The following SORL1 variants were observed in gnomAD, a reference collection of about 807,000 sequenced individuals.
SORL1 encodes sortilin-related receptor.
SORL1 carries 127 observed loss-of-function variants against 273.7 expected under a neutral mutation model. The observed-to-expected ratio is 0.46, with a 90% CI of 0.40 to 0.54. SORL1 has a LOEUF of 0.54. Ranked by LOEUF, SORL1 falls within the 20% of genes least tolerant of loss-of-function variation. The probability of loss-of-function intolerance (pLI) is 0.00; values close to 1 mark genes in which losing one functional copy is unlikely to be tolerated. For synonymous variants in SORL1, 1,031 were observed against 1,067.4 expected (o/e 0.97, Z 0.66); for missense variants, 2,494 against 2,846.1 (o/e 0.88, Z 2.81).
At chr11:121,615,657 G>A (rs370446977) in intron 41 of SORL1, among the ~76,000 whole-genome samples, 26 of 152,212 alleles carry the variant, frequency 1.7e-4, no homozygotes, top group South Asian at 1.0e-3. Context: ...AGTGATGAGC[G>A]GAGGAACTAG....
chr11:121,460,942 A>G (rs1393591723), intron 1 of SORL1, among the ~76,000 whole-genome samples: 1 of 152,136 alleles, frequency 6.6e-6, no homozygotes, highest in East Asian at 1.9e-4. Context: ...TCTCTGCCCC[A>G]GGGACCTGGG....
At chr11:121,517,651 C>T (rs1056725244) in intron 8 of SORL1, among the ~76,000 whole-genome samples, 3 of 152,162 alleles carry the variant, frequency 2.0e-5, no homozygotes, top group Non-Finnish European at 2.9e-5. Context: ...GAAGCCAGAG[C>T]GATGGCCCTT....
chr11:121,532,599 A>G (rs1484162807), intron 12 of SORL1, 47 bp downstream of exon 12: 1 of 1,470,648 alleles, frequency 6.8e-7, no homozygotes, highest in Admixed American at 1.7e-5. Context: ...TTCTCCCAGA[A>G]ATTTACGTCT....
chr11:121,558,443 C>T, intron 19 of SORL1, 148 bp from the exon 20 acceptor site: 1 of 756,694 alleles, frequency 1.3e-6, no homozygotes, highest in Non-Finnish European at 2.2e-6. Flanking sequence ...TAAGTAGTTT[C>T]AGGTGTTGTC....
intron 2 of SORL1, among the ~76,000 whole-genome samples, chr11:121,477,495 A>G (rs1373280816): frequency 6.6e-6 from 1 of 152,140 alleles, no homozygotes. Context: ...CCCGGTGAGG[A>G]GGTTATTACT....
chr11:121,523,002 C>G lies in SORL1; in HGVS notation c.1596+13C>G. On this transcript the variant is annotated intron_variant, in intron 11 of 47. Coordinates refer to ENST00000260197, the MANE Select transcript of SORL1 (RefSeq NM_003105.6). ...CAGGTGGCGAGAGGTCAGCCCCCTCCCCCAATCCCGTCCCCTCCACCCTCA... is the reference window on the plus strand; with the variant it reads ...CAGGTGGCGAGAGGTCAGCCCCCTCGCCCAATCCCGTCCCCTCCACCCTCA... The G allele has an allele frequency of 6.3e-7, 1 of 1,575,116 alleles. No homozygotes were observed. Among genetic ancestry groups the G allele is most frequent in the Non-Finnish European group, 8.7e-7 (1 of 1,144,700 alleles).
At chr11:121,478,331 C>T (rs924009668) in intron 3 of SORL1, 88 bp downstream of exon 3, 68 of 1,422,428 alleles carry the variant, frequency 4.8e-5, no homozygotes, top group Non-Finnish European at 4.6e-5. Flanking sequence ...TAGGAGATGG[C>T]GCTCTCTGTG....
In SORL1 at chr11:121,555,193, T is replaced by C. The variant is rs780766912; in HGVS notation, c.2446T>C (p.Cys816Arg). 1.9e-6 allele frequency: 3 copies of C among 1,613,260 alleles called. No homozygotes were observed. In the East Asian group the frequency reaches 6.7e-5, roughly 36 times the overall value. ...DLALDVIQRL[C>R]LNGSTGQEVI... is the part of the protein sequence containing the mutation. Reference sequence around the variant, plus strand: ...ATTACTTTTCTCTCTTAAGCGCCTCTGTTTGAATGGAAGCACAGGGCAAGA... The same window carrying C: ...ATTACTTTTCTCTCTTAAGCGCCTCCGTTTGAATGGAAGCACAGGGCAAGA... Residue 816 changes from cysteine (C) to arginine (R), a missense_variant, in exon 18 of 48, where the codon TGT (cysteine) becomes CGT (arginine). Coordinates refer to ENST00000260197, the MANE Select transcript of SORL1 (RefSeq NM_003105.6).
intron 1 of SORL1, among the ~76,000 whole-genome samples, chr11:121,462,720 GACTAC>G (rs1187896647): frequency 6.6e-6 from 1 of 152,118 alleles, no homozygotes; most frequent in Non-Finnish European, 1.5e-5. Context: ...TAGTAGCTGG[GACTAC>G]AGGCATGCGC....
chr11:121,554,043 G>C lies in SORL1; in HGVS notation c.2373G>C (p.Val791=). ...CTCTCACCGGGCTACGGGCAGCAGT[G>C]GCCCTGGACTTTGACTATGAGCACA... The part of the protein sequence containing the change: ...QLPLTGLRAA[V]ALDFDYEHNC... Residue 791 remains valine, a synonymous_variant, in exon 17 of 48, where the codon GTG becomes GTC. Coordinates refer to ENST00000260197, the MANE Select transcript of SORL1 (RefSeq NM_003105.6). The surrounding 1 kb of genome is among the most constrained non-coding windows in gnomAD (Gnocchi z 4.6). The C allele has an allele frequency of 6.2e-7, 1 of 1,614,186 alleles. No homozygotes were observed. Among genetic ancestry groups the C allele is most frequent in the Non-Finnish European group, 8.5e-7 (1 of 1,180,026 alleles).
intron 3 of SORL1, among the ~76,000 whole-genome samples, chr11:121,486,035 A>T (rs1406944703): frequency 6.6e-6 from 1 of 152,228 alleles, no homozygotes; most frequent in Non-Finnish European, 1.5e-5. Flanking sequence ...AGACAAGTGC[A>T]AAGTGCTGGT....
intron 22 of SORL1, among the ~76,000 whole-genome samples, chr11:121,568,071 G>A (rs1862779467): frequency 6.6e-6 from 1 of 152,050 alleles, no homozygotes; most frequent in Admixed American, 6.6e-5. Context: ...TTCTTTTATA[G>A]GGACGAGGTC....
intron 6 of SORL1, among the ~76,000 whole-genome samples, chr11:121,504,997 A>G (rs1861766119): frequency 6.6e-6 from 1 of 152,074 alleles, no homozygotes; most frequent in African/African-American, 2.4e-5. Flanking sequence ...TGAATATTAC[A>G]CTGATGGATC....
At chr11:121,502,029 G>A (rs1861716317) in intron 6 of SORL1, among the ~76,000 whole-genome samples, 1 of 151,146 alleles carries the variant, frequency 6.6e-6, no homozygotes, top group African/African-American at 2.4e-5. Context: ...AAACAGTGCT[G>A]CTGTGAATGT....
At position 121,563,851 on chromosome 11, in the gene SORL1, T is replaced by C. The variant is rs576358906; in HGVS notation, c.3050-3089T>C. On this transcript the variant is annotated intron_variant, in intron 21 of 47. Coordinates refer to ENST00000260197, the MANE Select transcript of SORL1 (RefSeq NM_003105.6). The surrounding 1 kb of genome is among the most constrained non-coding windows in gnomAD (Gnocchi z 4.2). ...TTCTTTTGCAGTTTTGGAATTCTCCTTTAGAGCCTGCAGTAAGTATGTGCT... is the reference window on the plus strand; with the variant it reads ...TTCTTTTGCAGTTTTGGAATTCTCCCTTAGAGCCTGCAGTAAGTATGTGCT... Among the ~76,000 whole-genome samples, 12 of 152,242 alleles carry C rather than the reference T, an allele frequency of 7.9e-5. No homozygotes were observed. The highest frequency in any genetic ancestry group is 1.5e-4 in the Non-Finnish European group (10 of 68,032).
intron 12 of SORL1, among the ~76,000 whole-genome samples, chr11:121,533,024 C>T (rs1449684050): frequency 1.3e-5 from 2 of 152,128 alleles, no homozygotes; most frequent in Admixed American, 1.3e-4. Context: ...ATATAAGAAC[C>T]TGTCCTTTCT....
chr11:121,497,609 G>A (rs977307694), intron 6 of SORL1, among the ~76,000 whole-genome samples: 1 of 152,204 alleles, frequency 6.6e-6, no homozygotes, highest in African/African-American at 2.4e-5. Context: ...GATTTGATGT[G>A]TTGGAGCCAG....
chr11:121,523,917 A>G (rs1862081063), intron 11 of SORL1, among the ~76,000 whole-genome samples: 1 of 152,216 alleles, frequency 6.6e-6, no homozygotes, highest in East Asian at 1.9e-4. Flanking sequence ...TTGAATAGGT[A>G]ATATGTAAAG....
chr11:121,488,100 CT>C lies in SORL1; in HGVS notation c.601del (p.Ser201ProfsTer43). On this transcript the variant is annotated frameshift_variant, in exon 4 of 48. Transcript: ENST00000260197. LOFTEE classifies it high-confidence loss of function. Reference protein sequence around the residue: ...TFDFCNTLQGFSIPFRAADLL... With the variant: ...TFDFCNTLQGXSIPFRAADLL... ...TTGACTTCTGCAACACTCTTCAAGG[CT>C]TTTCCATCCCATTTCGGGCAGCTGA... is the stretch of plus-strand genomic sequence containing the variant. 1 of 1,614,184 alleles carries C rather than the reference CT, an allele frequency of 6.2e-7. No individual in the cohort carries two copies.
Sources: gnomAD v4.1 joint callset for allele counts (sites outside exome capture counted in the v4.1 genomes callset) on GRCh38, gnomAD v4.1.1 for gene constraint, Gnocchi (gnomAD v3.1) non-coding constraint, MANE v1.5 for transcripts, NCBI Gene and HGNC (gene_info 2026-07-23, HGNC 2026-07-21) for gene names.